The following KAZN variants were observed in gnomAD, a reference collection of about 807,000 sequenced individuals.
KAZN encodes kazrin.
In KAZN, 40 loss-of-function variants were observed where a neutral mutation model predicts 87.4. The ratio of observed to expected loss-of-function variants is 0.46; its 90% CI spans 0.36 to 0.60. KAZN has a LOEUF of 0.60. Ranked by LOEUF, KAZN falls within the 20% of genes least tolerant of loss-of-function variation. KAZN has a pLI of 0.00. For synonymous variants in KAZN, 466 were observed against 458.3 expected (o/e 1.02, Z -0.22); for missense variants, 898 against 1,073.9 (o/e 0.84, Z 2.29).
chr1:14,392,885 A>G (rs1178635115), intron 2 of KAZN, among the ~76,000 whole-genome samples: 1 of 152,152 alleles, frequency 6.6e-6, no homozygotes, highest in Non-Finnish European at 1.5e-5. Context: ...AATCCACTGA[A>G]TAAGTGTATA....
At chr1:14,337,899 A>C (rs1476566140) in intron 2 of KAZN, among the ~76,000 whole-genome samples, 1 of 151,554 alleles carries the variant, frequency 6.6e-6, no homozygotes, top group Non-Finnish European at 1.5e-5. Flanking sequence ...GTCTCAAAAA[A>C]AAAAAAAAAA....
chr1:14,508,349 C>T (rs1670717166), intron 2 of KAZN, among the ~76,000 whole-genome samples: 1 of 152,128 alleles, frequency 6.6e-6, no homozygotes, highest in African/African-American at 2.4e-5. Flanking sequence ...AGATTACCCC[C>T]AAGACTTCAT....
intron 2 of KAZN, among the ~76,000 whole-genome samples, chr1:14,985,033 G>A (rs1666637973): frequency 6.6e-6 from 1 of 152,002 alleles, no homozygotes; most frequent in African/African-American, 2.4e-5. Context: ...CTACTCAGGA[G>A]GCTGAAGCAG....
At position 13,904,928 on chromosome 1, in the gene KAZN, A is replaced by G. The variant is rs1639380915; in HGVS notation, c.91+11172A>G. Reference sequence around the variant, plus strand: ...CTTCTCAATTTGAACTCTTTTTCATATTTTCCATCTTTGTCTCTCTGTTGC... The same window carrying G: ...CTTCTCAATTTGAACTCTTTTTCATGTTTTCCATCTTTGTCTCTCTGTTGC... On this transcript the variant is annotated intron_variant, in intron 1 of 16. Transcript: ENST00000636203. Among the ~76,000 whole-genome samples the G allele has an allele frequency of 7.9e-5, 12 of 151,838 alleles. 1 individual carries two copies. In the South Asian group the frequency reaches 2.5e-3, roughly 32 times the overall value.
intron 2 of KAZN, among the ~76,000 whole-genome samples, chr1:14,463,018 C>A (rs1667936789): frequency 6.6e-6 from 1 of 152,148 alleles, no homozygotes; most frequent in South Asian, 2.1e-4. Flanking sequence ...AACTCATAGG[C>A]AGTGGGCCCA....
chr1:14,087,358 T>G (rs539031741), intron 1 of KAZN, among the ~76,000 whole-genome samples: 1 of 152,324 alleles, frequency 6.6e-6, no homozygotes, highest in East Asian at 1.9e-4. Flanking sequence ...AACTGTTTTG[T>G]AGATTCTTTA....
chr1:14,436,728 A>ACAAAAAAAAAC (rs1553172251), intron 2 of KAZN, among the ~76,000 whole-genome samples: 1 of 29,338 alleles, frequency 3.4e-5, no homozygotes, highest in African/African-American at 1.8e-4. Context: ...AAAAAAAAAA[A>ACAAAAAAAAAC]AAAAAAAAAA....
At chr1:14,611,077 T>C (rs1226050783) in intron 1 of KAZN, among the ~76,000 whole-genome samples, 2 of 152,146 alleles carry the variant, frequency 1.3e-5, no homozygotes, top group African/African-American at 4.8e-5. Flanking sequence ...CAGCCAAAAG[T>C]ATGGCAGAAA....
chr1:14,299,789 T>C (rs1325044466), intron 2 of KAZN, among the ~76,000 whole-genome samples: 1 of 152,160 alleles, frequency 6.6e-6, no homozygotes, highest in African/African-American at 2.4e-5. Context: ...AAGCTTCTGC[T>C]CACATCACAT....
At chr1:14,576,016 T>C (rs1675155890) in intron 2 of KAZN, among the ~76,000 whole-genome samples, 1 of 152,174 alleles carries the variant, frequency 6.6e-6, no homozygotes, top group Admixed American at 6.5e-5. Flanking sequence ...CTTTGACAAT[T>C]CCGATTCTTA....
At chr1:14,427,326 G>T (rs575243916) in intron 2 of KAZN, among the ~76,000 whole-genome samples, 1 of 152,166 alleles carries the variant, frequency 6.6e-6, no homozygotes, top group African/African-American at 2.4e-5. Context: ...GTAAACTGGG[G>T]ATAATAATAG....
At chr1:14,885,508 T>C (rs1273150084) in intron 1 of KAZN, among the ~76,000 whole-genome samples, 1 of 152,162 alleles carries the variant, frequency 6.6e-6, no homozygotes, top group Non-Finnish European at 1.5e-5. Flanking sequence ...TTTCCTTTTT[T>C]TATTTTGTTT....
chr1:14,164,602 A>G (rs10429931), intron 1 of KAZN, among the ~76,000 whole-genome samples: 20,830 of 137,900 alleles, frequency 0.15, 1,667 homozygotes, highest in East Asian at 0.35. Flanking sequence ...GTGCAATGGC[A>G]CGATCTCGGC....
chr1:14,175,135 ACT>A (rs1292849952), intron 1 of KAZN, among the ~76,000 whole-genome samples: 1 of 151,938 alleles, frequency 6.6e-6, no homozygotes, highest in African/African-American at 2.4e-5. Flanking sequence ...ATGGAATCTC[ACT>A]CTGTCACCCA....
intron 1 of KAZN, among the ~76,000 whole-genome samples, chr1:14,651,690 CT>C (rs919221744): frequency 6.6e-5 from 10 of 152,122 alleles, no homozygotes; most frequent in African/African-American, 1.4e-4. Flanking sequence ...TTGACTGGGG[CT>C]TTTTTCCCCC....
intron 1 of KAZN, among the ~76,000 whole-genome samples, chr1:14,628,246 GT>G (rs1402039796): frequency 1.3e-5 from 2 of 152,272 alleles, no homozygotes; most frequent in East Asian, 3.9e-4. Context: ...ACGACCTTTT[GT>G]CGGCGGAGTA....
chr1:14,978,661 C>T (rs1378910127), intron 2 of KAZN, among the ~76,000 whole-genome samples: 9 of 152,188 alleles, frequency 5.9e-5, no homozygotes, highest in African/African-American at 9.7e-5. Context: ...TTGGTCACTA[C>T]TGGCCACCGA....
chr1:14,294,761 C>T (rs1371525041), intron 2 of KAZN, among the ~76,000 whole-genome samples: 1 of 151,046 alleles, frequency 6.6e-6, no homozygotes, highest in Non-Finnish European at 1.5e-5. Context: ...CCTAAAACCC[C>T]ACGAATTCTA....
At chr1:14,704,882 A>G (rs1352471875) in intron 1 of KAZN, among the ~76,000 whole-genome samples, 1 of 152,140 alleles carries the variant, frequency 6.6e-6, no homozygotes, top group Non-Finnish European at 1.5e-5. Context: ...TCTCCACCAG[A>G]GCTTTCTGCA....
Sources: allele counts gnomAD v4.1 joint callset (sites outside exome capture counted in the v4.1 genomes callset), GRCh38; gene constraint gnomAD v4.1.1; transcripts MANE v1.5; gene names NCBI Gene and HGNC (gene_info 2026-07-23, HGNC 2026-07-21).